The following KIRREL3 variants were observed in gnomAD, a reference collection of about 807,000 sequenced individuals.
KIRREL3 encodes the protein kirre like nephrin family adhesion molecule 3, also known as kin of IRRE-like protein 3.
A neutral mutation model predicts 89.7 loss-of-function variants in KIRREL3; 36 were observed. The ratio of observed to expected loss-of-function variants is 0.40; its 90% CI spans 0.31 to 0.53. The LOEUF (loss-of-function observed/expected upper bound fraction) is 0.53, where lower values mean the gene tolerates loss of function less well. Among genes scored for constraint, KIRREL3 ranks in the 20% least tolerant of loss-of-function variants. The pLI, the probability that KIRREL3 is intolerant of heterozygous loss-of-function variation, is 0.49. For synonymous variants in KIRREL3, 445 were observed against 441.4 expected, an observed-to-expected ratio of 1.01 and a Z score of -0.10; for missense variants, 864 against 1,056.6, an observed-to-expected ratio of 0.82 and a Z score of 2.53.
At chr11:126,538,955 G>A (rs573695135) in intron 2 of KIRREL3, among the ~76,000 whole-genome samples, 2 of 152,332 alleles carry the variant, frequency 1.3e-5, no homozygotes, top group African/African-American at 4.8e-5. Flanking sequence ...GAAATGGCCA[G>A]GATGAAGACA....
chr11:126,475,076 G>C lies in KIRREL3; in HGVS notation c.434-1610C>G, dbSNP rs566947733. ...CTCTGGACACATCAAGACGTGAGCT[G>C]TCTGTGTACACAGCAAACACAGAAG... On this transcript the variant is annotated intron_variant, in intron 4 of 16. Transcript: ENST00000525144. This position sits in a 1 kb window ranked among gnomAD's most constrained non-coding sequence, Gnocchi z 7.5. Among the ~76,000 whole-genome samples the C allele has an allele frequency of 7.9e-5, 12 of 152,218 alleles. No individual in the cohort carries two copies. Among genetic ancestry groups the C allele is most frequent in the African/African-American group, 2.7e-4 (11 of 41,460 alleles).
At position 126,610,625 on chromosome 11, in the gene KIRREL3, C is replaced by T. The variant is rs776776697; in HGVS notation, c.56-47713G>A. On this transcript the variant is annotated intron_variant, in intron 1 of 16. Coordinates refer to ENST00000525144, the MANE Select transcript of KIRREL3 (RefSeq NM_032531.4). The surrounding 1 kb of genome is among the most constrained non-coding windows in gnomAD (Gnocchi z 4.6). ...AATCACATGGGGAGAAGGAGCCAAC[C>T]GTGCATGTCTGAAGCAGGTATTCTC... is the stretch of plus-strand genomic sequence containing the variant. 3.3e-5 allele frequency: 5 copies of T among 152,168 alleles called. No homozygotes were observed. In the East Asian group the frequency reaches 7.7e-4, roughly 23 times the overall value. The allele number at this position is 152,168 out of a possible 1,614,324, so 9.4% of individuals were successfully genotyped here.
rs1039637467 is a variant in KIRREL3 at position 126,555,556 on chromosome 11, G to A, written c.133+7279C>T. Among the ~76,000 whole-genome samples, 1 of 152,042 alleles carries A rather than the reference G, an allele frequency of 6.6e-6. No homozygotes were observed. The highest frequency in any genetic ancestry group is 2.4e-5 in the African/African-American group (1 of 41,404). The stretch of plus-strand genomic sequence containing the variant: ...CAGGTGAAGGGTTTGGGGATGGGGT[G>A]AGCGTGGCAAGCAGGGTAGACACAG... On this transcript the variant is annotated intron_variant, in intron 2 of 16. Transcript: ENST00000525144. This position sits in a 1 kb window ranked among gnomAD's most constrained non-coding sequence, Gnocchi z 4.2.
Position 126,515,270 on chromosome 11 carries a change from A to T in KIRREL3, c.433+6045T>A, listed in dbSNP as rs1197772782. On this transcript the variant is annotated intron_variant, in intron 4 of 16. Transcript: ENST00000525144. This position sits in a 1 kb window ranked among gnomAD's most constrained non-coding sequence, Gnocchi z 4.2. ...AACCCGGTCTCTACAAAAACAAAACAGAACAAAACAAAAAAACAAACAAAC... is the reference window on the plus strand; with the variant it reads ...AACCCGGTCTCTACAAAAACAAAACTGAACAAAACAAAAAAACAAACAAAC... Among the ~76,000 whole-genome samples the T allele has an allele frequency of 1.3e-5, 2 of 151,742 alleles. No individual in the cohort carries two copies. Among genetic ancestry groups the T allele is most frequent in the East Asian group, 3.9e-4 (2 of 5,184 alleles).
chr11:126,852,578 C>T (rs1944379794), intron 1 of KIRREL3, among the ~76,000 whole-genome samples: 3 of 152,170 alleles, frequency 2.0e-5, no homozygotes, highest in Admixed American at 2.0e-4. Flanking sequence ...GACTCCAAAG[C>T]TTGAGCTATC....
chr11:126,984,906 G>T (rs1012493897), intron 1 of KIRREL3, among the ~76,000 whole-genome samples: 1 of 152,128 alleles, frequency 6.6e-6, no homozygotes. Flanking sequence ...TTGAACTCCT[G>T]GGTTTTCATT....
At chr11:126,447,475 G>T (rs1309080892) in intron 8 of KIRREL3, among the ~76,000 whole-genome samples, 2 of 152,200 alleles carry the variant, frequency 1.3e-5, no homozygotes, top group Non-Finnish European at 2.9e-5. Context: ...CCTCCCCCAG[G>T]GTTTCCCACC....
In KIRREL3 at chr11:126,623,718, G is replaced by A. The variant is rs141964348; in HGVS notation, c.56-60806C>T. On this transcript the variant is annotated intron_variant, in intron 1 of 16. Transcript: ENST00000525144. This position sits in a 1 kb window ranked among gnomAD's most constrained non-coding sequence, Gnocchi z 4.1. ...AAGCACAAGACCAGGCAAAGCAGGCGAGGAGAAAGCCATTGAATAAATACT... is the reference window on the plus strand; with the variant it reads ...AAGCACAAGACCAGGCAAAGCAGGCAAGGAGAAAGCCATTGAATAAATACT... Among the ~76,000 whole-genome samples the A allele has an allele frequency of 1.3e-3, 197 of 152,250 alleles. No individual in the cohort carries two copies. Among genetic ancestry groups the A allele is most frequent in the African/African-American group, 4.5e-3 (187 of 41,542 alleles).
At chr11:126,975,260 C>T (rs942095426) in intron 1 of KIRREL3, among the ~76,000 whole-genome samples, 1 of 152,184 alleles carries the variant, frequency 6.6e-6, no homozygotes, top group Non-Finnish European at 1.5e-5. Flanking sequence ...AGGCTTTCTT[C>T]CAATTCAGCA....
chr11:126,810,942 T>G (rs1254131216), intron 1 of KIRREL3, among the ~76,000 whole-genome samples: 1 of 152,114 alleles, frequency 6.6e-6, no homozygotes, highest in Non-Finnish European at 1.5e-5. Context: ...TGTGGGTGTG[T>G]GTGTGCACAC....
chr11:126,850,514 C>A (rs1944306024), intron 1 of KIRREL3, among the ~76,000 whole-genome samples: 2 of 152,170 alleles, frequency 1.3e-5, no homozygotes, highest in African/African-American at 4.8e-5. Context: ...CCCAACTCCT[C>A]CTCTATCCAA....
rs185665507 is a variant in KIRREL3 at position 126,440,209 on chromosome 11, T to G, written c.1353+240A>C. The G allele has an allele frequency of 4.1e-4, 283 of 689,654 alleles. 2 individuals carry two copies. The African/African-American group carries it at 4.2e-3, about 10-fold the overall frequency. The allele number at this position is 689,654 out of a possible 1,614,324, so 42.7% of individuals were successfully genotyped here. On this transcript the variant is annotated intron_variant, in intron 11 of 16. Coordinates refer to ENST00000525144, the MANE Select transcript of KIRREL3 (RefSeq NM_032531.4). ...AGGATGCGGAATTTGGTCAGAGCCG[T>G]TCATGTCAGAGCTCAGCAGAATGGC...
intron 1 of KIRREL3, among the ~76,000 whole-genome samples, chr11:126,673,363 G>C (rs565968732): frequency 4.6e-5 from 7 of 152,290 alleles, no homozygotes; most frequent in African/African-American, 1.7e-4. Flanking sequence ...CAGGCAGGTG[G>C]CACCAAGAGG....
At position 126,431,632 on chromosome 11, in the gene KIRREL3, C is replaced by G; in HGVS notation, c.1589-106G>C. 8.6e-7 allele frequency: 1 copy of G among 1,160,480 alleles called. No homozygotes were observed. The highest frequency in any genetic ancestry group is 2.5e-5 in the East Asian group (1 of 39,242). The allele number at this position is 1,160,480 out of a possible 1,614,324, so 71.9% of individuals were successfully genotyped here. A position where few individuals can be genotyped will look rare whatever the true frequency, so the allele number is the denominator to read the frequency against. ...GGGGCAGCCCCTGCCACATGGGGCC[C>G]TCCTGGGAAATGCCTCAGTGGGGCC... On this transcript the variant is annotated intron_variant, in intron 13 of 16. Transcript: ENST00000525144. This position sits in a 1 kb window ranked among gnomAD's most constrained non-coding sequence, Gnocchi z 7.1.
chr11:126,623,456 C>T lies in KIRREL3; in HGVS notation c.56-60544G>A, dbSNP rs1015822872. 6.6e-6 allele frequency among the ~76,000 whole-genome samples: 1 copy of T among 152,114 alleles called. No homozygotes were observed. The highest frequency in any genetic ancestry group is 2.4e-5 in the African/African-American group (1 of 41,406). On this transcript the variant is annotated intron_variant, in intron 1 of 16. Coordinates refer to ENST00000525144, the MANE Select transcript of KIRREL3 (RefSeq NM_032531.4). The surrounding 1 kb of genome is among the most constrained non-coding windows in gnomAD (Gnocchi z 4.1). ...AGTCCAAGTTCTTTGAAGGAAGGAA[C>T]TATGTTGGTATTCTGTGATGTACGC...
In KIRREL3 at chr11:126,535,576, T is replaced by G. The variant is rs1207614633; in HGVS notation, c.134-8889A>C. 1.3e-5 allele frequency among the ~76,000 whole-genome samples: 2 copies of G among 150,748 alleles called. No homozygotes were observed. Among genetic ancestry groups the G allele is most frequent in the Admixed American group, 1.3e-4 (2 of 15,124 alleles). ...CAGCACTGCAGGGTGCTGGGTCGGG[T>G]GTGTGTGTGTGTGTGTGCACGTGGG... On this transcript the variant is annotated intron_variant, in intron 2 of 16. Coordinates refer to ENST00000525144, the MANE Select transcript of KIRREL3 (RefSeq NM_032531.4). The surrounding 1 kb of genome is among the most constrained non-coding windows in gnomAD (Gnocchi z 4.5).
Position 126,525,649 on chromosome 11 carries a change from T to G in KIRREL3, c.283+889A>C, listed in dbSNP as rs1446968434. On this transcript the variant is annotated intron_variant, in intron 3 of 16. Transcript: ENST00000525144. This position sits in a 1 kb window ranked among gnomAD's most constrained non-coding sequence, Gnocchi z 5.4. ...TTCTCAGCTGAATAATATTTTTCTC[T>G]CCTCCTCCACCCTTAGCTATTCCCA... Among the ~76,000 whole-genome samples the G allele has an allele frequency of 6.6e-6, 1 of 152,224 alleles. No homozygotes were observed. Among genetic ancestry groups the G allele is most frequent in the Non-Finnish European group, 1.5e-5 (1 of 68,034 alleles).
chr11:126,863,615 G>A (rs1179403497), intron 1 of KIRREL3, among the ~76,000 whole-genome samples: 518 of 46,746 alleles, frequency 0.011, 4 homozygotes, highest in East Asian at 0.016. Flanking sequence ...GTTTGCGTGC[G>A]TGTGTGTGTG....
At chr11:126,824,958 C>T (rs1290895716) in intron 1 of KIRREL3, among the ~76,000 whole-genome samples, 3 of 152,038 alleles carry the variant, frequency 2.0e-5, no homozygotes, top group Non-Finnish European at 2.9e-5. Context: ...TTGTGAGGGA[C>T]GTATGTAGCC....
Sources: allele counts gnomAD v4.1 joint callset (sites outside exome capture counted in the v4.1 genomes callset), GRCh38; gene constraint gnomAD v4.1.1; non-coding constraint Gnocchi (gnomAD v3.1); transcripts MANE v1.5; gene names NCBI Gene and HGNC (gene_info 2026-07-23, HGNC 2026-07-21).